Variants in EML6 observed in about 807,000 individuals in gnomAD.
EML6 encodes EMAP like 6, also known as echinoderm microtubule-associated protein-like 6.
Under a neutral mutation model 240.1 loss-of-function variants are expected in EML6, and 154 were observed. That is an observed-to-expected ratio of 0.64 (90% CI 0.56 to 0.73). EML6 has a LOEUF of 0.73. Ranked by LOEUF, EML6 falls within the 30% of genes least tolerant of loss-of-function variation. EML6 has a pLI of 0.00. For missense variants in EML6, 2,964 were observed against 2,474.6 expected (o/e 1.20, Z -4.20); for synonymous variants, 1,148 against 899.0 (o/e 1.28, Z -4.95).
intron 24 of EML6, among the ~76,000 whole-genome samples, chr2:54,905,916 T>C (rs1474819015): frequency 7.0e-6 from 1 of 143,762 alleles, no homozygotes; most frequent in Non-Finnish European, 1.6e-5. Context: ...TGTATTTTGC[T>C]TATCTATTTG....
At chr2:54,864,052 G>T (rs1232374785) in intron 13 of EML6, among the ~76,000 whole-genome samples, 163 bp downstream of exon 13, 1 of 152,174 alleles carries the variant, frequency 6.6e-6, no homozygotes, top group East Asian at 1.9e-4. Flanking sequence ...TAAAACCGAC[G>T]TGTTTACCCA....
At chr2:54,895,153 C>T (rs761891881) in intron 20 of EML6, 120 bp from the exon 21 acceptor site, 125 of 1,331,146 alleles carry the variant, frequency 9.4e-5, no homozygotes, top group Non-Finnish European at 1.3e-4. Flanking sequence ...CTCTCTTCCT[C>T]TGGTAGAAAT....
chr2:54,897,829 T>C (rs934496432), intron 21 of EML6, among the ~76,000 whole-genome samples: 1 of 152,168 alleles, frequency 6.6e-6, no homozygotes, highest in African/African-American at 2.4e-5. Flanking sequence ...TGTGTATATG[T>C]GCAGTGGAAT....
At chr2:54,851,079 G>A (rs1670056921) in intron 10 of EML6, among the ~76,000 whole-genome samples, 1 of 152,116 alleles carries the variant, frequency 6.6e-6, no homozygotes, top group African/African-American at 2.4e-5. Flanking sequence ...TCAGGATGTT[G>A]GTTACCGCTG....
intron 16 of EML6, among the ~76,000 whole-genome samples, chr2:54,878,963 C>G (rs1241896710): frequency 6.6e-6 from 1 of 152,152 alleles, no homozygotes; most frequent in Non-Finnish European, 1.5e-5. Flanking sequence ...TTTCCTATAA[C>G]AAGTACACTA....
chr2:54,764,629 T>A (rs564686074), intron 2 of EML6, among the ~76,000 whole-genome samples: 8 of 152,228 alleles, frequency 5.3e-5, no homozygotes, highest in South Asian at 4.1e-4. Context: ...AATTAAATTG[T>A]GCCTTCATCA....
intron 28 of EML6, among the ~76,000 whole-genome samples, chr2:54,947,909 G>A (rs540741878): frequency 6.6e-6 from 1 of 152,298 alleles, no homozygotes; most frequent in Admixed American, 6.5e-5. Context: ...AGGAATGTCT[G>A]TTCACTTGGA....
At chr2:54,948,278 G>T (rs559224025) in intron 28 of EML6, among the ~76,000 whole-genome samples, 1 of 152,280 alleles carries the variant, frequency 6.6e-6, no homozygotes, top group African/African-American at 2.4e-5. Flanking sequence ...ATGCAGACCC[G>T]AGTCCTGAGG....
At position 54,970,090 on chromosome 2, in the gene EML6, CTG is replaced by C. The variant is rs1676924093; in HGVS notation, c.5874_5875del (p.Ter1959LysfsTer55). On this transcript the variant is annotated frameshift_variant, in exon 42 of 42. Transcript: ENST00000356458. LOFTEE classifies it high-confidence loss of function. Reference protein sequence around the residue: ...DDCSVFVWRCL With the variant: ...DDCSVFVWRCX ...TTTCAGTGTATTTGTGTGGCGATGT[CTG>C]TAAAATGCCAGAAGCCTCTTATGTT... is the stretch of plus-strand genomic sequence containing the variant. 1 of 1,551,544 alleles carries C rather than the reference CTG, an allele frequency of 6.4e-7. No individual in the cohort carries two copies. Among genetic ancestry groups the C allele is most frequent in the African/African-American group, 1.4e-5 (1 of 73,038 alleles).
intron 2 of EML6, among the ~76,000 whole-genome samples, chr2:54,790,794 T>G (rs1034181580): frequency 1.3e-5 from 2 of 150,612 alleles, no homozygotes; most frequent in Admixed American, 6.6e-5. Flanking sequence ...GGCGCGATCT[T>G]GGCTCACTGC....
At chr2:54,927,161 C>G (rs932526900) in intron 26 of EML6, among the ~76,000 whole-genome samples, 7 of 152,186 alleles carry the variant, frequency 4.6e-5, no homozygotes, top group Admixed American at 4.6e-4. Flanking sequence ...CCTGGAAATC[C>G]TACCTGCCTG....
chr2:54,949,797 C>T (rs776590530), intron 29 of EML6, among the ~76,000 whole-genome samples: 42 of 152,336 alleles, frequency 2.8e-4, no homozygotes, highest in Middle Eastern at 6.8e-3. Flanking sequence ...TCTCTGGCCC[C>T]CCAAACCCAC....
intron 28 of EML6, among the ~76,000 whole-genome samples, chr2:54,946,756 C>T (rs868528972): frequency 2.0e-5 from 3 of 152,150 alleles, no homozygotes; most frequent in South Asian, 2.1e-4. Context: ...AATCCACAAC[C>T]GCGAAGGGTC....
At chr2:54,758,862 T>G (rs1487606260) in intron 2 of EML6, among the ~76,000 whole-genome samples, 3 of 152,142 alleles carry the variant, frequency 2.0e-5, no homozygotes, top group African/African-American at 7.2e-5. Flanking sequence ...GTGACACTCC[T>G]TCATAGAGCA....
rs1484515581 is a variant in EML6, at chr2:54,928,406, G to A, written c.3769G>A (p.Gly1257Ser). Residue 1257 changes from glycine (G) to serine (S), a missense_variant, in exon 27 of 42, where the codon GGC becomes AGC. By Grantham distance (56) the Gly-to-Ser change is moderately conservative (BLOSUM62 0). Coordinates refer to ENST00000356458, the MANE Select transcript of EML6 (RefSeq NM_001039753.4). ...CAATGACTCTGTGCTGCTCACGGTG[G>A]GCGGCGCCGACACAGCCCTGATGAT... ...LHNDSVLLTVGGADTALMIWT... is the reference protein window; with the variant it reads ...LHNDSVLLTVSGADTALMIWT... 1 of 1,550,572 alleles carries A rather than the reference G, an allele frequency of 6.4e-7. No homozygotes were observed. Among genetic ancestry groups the A allele is most frequent in the Non-Finnish European group, 8.7e-7 (1 of 1,146,354 alleles).
intron 2 of EML6, among the ~76,000 whole-genome samples, chr2:54,785,872 T>A (rs1029790422): frequency 6.6e-6 from 1 of 151,920 alleles, no homozygotes; most frequent in African/African-American, 2.4e-5. Flanking sequence ...CTGGGAAAAT[T>A]TGAGTATAAG....
intron 19 of EML6, among the ~76,000 whole-genome samples, 193 bp downstream of exon 19, chr2:54,892,849 T>G (rs1672549123): frequency 6.6e-6 from 1 of 152,180 alleles, no homozygotes; most frequent in Admixed American, 6.5e-5. Flanking sequence ...TACAGTTGTT[T>G]CTTTATATGC....
intron 17 of EML6, chr2:54,881,464 G>C (rs918931299): frequency 1.3e-5 from 2 of 151,960 alleles, no homozygotes; most frequent in Non-Finnish European, 2.9e-5. Flanking sequence ...AGACCAGCCT[G>C]GCCAACATGG....
intron 7 of EML6, among the ~76,000 whole-genome samples, chr2:54,832,868 C>G (rs566941944): frequency 6.6e-6 from 1 of 152,320 alleles, no homozygotes; most frequent in South Asian, 2.1e-4. Flanking sequence ...GTTAGACTTC[C>G]TTGCCCTCAG....
Sources: allele counts gnomAD v4.1 joint callset (sites outside exome capture counted in the v4.1 genomes callset), GRCh38; gene constraint gnomAD v4.1.1; transcripts MANE v1.5; gene names NCBI Gene and HGNC (gene_info 2026-07-23, HGNC 2026-07-21).